Variants in HFM1 observed in about 807,000 individuals in gnomAD.
HFM1 encodes the protein probable ATP-dependent DNA helicase HFM1.
In HFM1, 169 loss-of-function variants were observed where a neutral mutation model predicts 192.1. The observed-to-expected ratio is 0.88, with a 90% CI of 0.78 to 1.00. The LOEUF is 1.00. Ranked by LOEUF, HFM1 falls within the 50% of genes least tolerant of loss-of-function variation. The pLI, the probability that HFM1 is intolerant of heterozygous loss-of-function variation, is 0.00. For synonymous variants in HFM1, 525 were observed against 537.8 expected (o/e 0.98, Z 0.33); for missense variants, 1,661 against 1,668.0 (o/e 1.00, Z 0.07).
At chr1:91,292,163 A>C (rs1668839197) in intron 30 of HFM1, among the ~76,000 whole-genome samples, 1 of 151,324 alleles carries the variant, frequency 6.6e-6, no homozygotes, top group South Asian at 2.1e-4. Context: ...GCCCTCTCTC[A>C]CCACTCCTAT....
intron 20 of HFM1, chr1:91,329,011 C>A: frequency 6.2e-7 from 1 of 1,612,364 alleles, no homozygotes. Context: ...TCCACCTGAG[C>A]TGGATTCTGC....
At chr1:91,366,171 A>G (rs981445302) in intron 13 of HFM1, among the ~76,000 whole-genome samples, 2 of 152,186 alleles carry the variant, frequency 1.3e-5, no homozygotes, top group Non-Finnish European at 2.9e-5. Flanking sequence ...TCACAACAGA[A>G]AAAAGGGAGA....
At position 91,274,138 on chromosome 1, in the gene HFM1, G is replaced by C. The variant is rs1368609132; in HGVS notation, c.3669-323C>G. Among the ~76,000 whole-genome samples, 5 of 151,796 alleles carry C rather than the reference G, an allele frequency of 3.3e-5. No individual in the cohort carries two copies. The South Asian group carries it at 1.0e-3, about 31-fold the overall frequency. Reference sequence around the variant, plus strand: ...GCATATAGAATGCCCTTATCTAGCAGGGAAATTACATATATGATTGTCCTG... The same window carrying C: ...GCATATAGAATGCCCTTATCTAGCACGGAAATTACATATATGATTGTCCTG... On this transcript the variant is annotated intron_variant, in intron 33 of 38. Transcript: ENST00000370425.
intron 28 of HFM1, among the ~76,000 whole-genome samples, chr1:91,314,687 T>C (rs1295909157): frequency 1.3e-5 from 2 of 152,222 alleles, no homozygotes; most frequent in Non-Finnish European, 2.9e-5. Context: ...GGCTATACGT[T>C]ATGAGAACAA....
intron 30 of HFM1, among the ~76,000 whole-genome samples, chr1:91,311,746 T>C (rs1339766848): frequency 6.6e-6 from 1 of 152,180 alleles, no homozygotes; most frequent in Non-Finnish European, 1.5e-5. Context: ...AGAAGCCTAA[T>C]GTTAAACCTC....
chr1:91,307,905 C>A (rs1255295410), intron 30 of HFM1, among the ~76,000 whole-genome samples: 1 of 152,048 alleles, frequency 6.6e-6, no homozygotes, highest in Non-Finnish European at 1.5e-5. Context: ...TGGGCAGAAA[C>A]CTAGGTTGGT....
chr1:91,380,289 T>G, intron 7 of HFM1, 53 bp from the exon 8 acceptor site: 1 of 1,111,152 alleles, frequency 9.0e-7, no homozygotes, highest in Non-Finnish European at 1.2e-6. Context: ...TTCACACACA[T>G]TCTCAATTTG....
intron 20 of HFM1, chr1:91,329,068 G>T: frequency 6.2e-7 from 1 of 1,610,308 alleles, no homozygotes; most frequent in Non-Finnish European, 8.5e-7. Context: ...ATCCTGCTAG[G>T]CAGTGACTAC....
chr1:91,319,575 A>G (rs1651787238), intron 23 of HFM1, among the ~76,000 whole-genome samples, 185 bp from the exon 24 acceptor site: 2 of 151,924 alleles, frequency 1.3e-5, no homozygotes, highest in South Asian at 4.2e-4. Context: ...TTTTCCCCAA[A>G]TCCTCAAAGT....
At chr1:91,328,783 T>G (rs1653335563) in intron 20 of HFM1, 4 of 1,611,094 alleles carry the variant, frequency 2.5e-6, no homozygotes, top group Non-Finnish European at 3.4e-6. Flanking sequence ...TGAAGGTCAC[T>G]AAGCAGCACA....
chr1:91,405,103 T>G (rs1423421931), upstream of HFM1, among the ~76,000 whole-genome samples: 3 of 152,134 alleles, frequency 2.0e-5, no homozygotes, highest in South Asian at 2.1e-4. Context: ...TACCCCAACC[T>G]GCCTTTCTCA....
In HFM1 at chr1:91,384,697, C is replaced by T. The variant is rs550511546; in HGVS notation, c.802+490G>A. Reference sequence around the variant, plus strand: ...AACTGATAACAAACAGGTCACAAATCGGCACCAGTCTGCAATCACACCCTG... The same window carrying T: ...AACTGATAACAAACAGGTCACAAATTGGCACCAGTCTGCAATCACACCCTG... On this transcript the variant is annotated intron_variant, in intron 6 of 38. Coordinates refer to ENST00000370425, the MANE Select transcript of HFM1 (RefSeq NM_001017975.6). 5.3e-5 allele frequency among the ~76,000 whole-genome samples: 8 copies of T among 151,774 alleles called. No homozygotes were observed. The East Asian group carries it at 5.8e-4, about 11-fold the overall frequency.
chr1:91,319,249 T>C, intron 24 of HFM1, 40 bp from the exon 25 acceptor site: 1 of 1,604,796 alleles, frequency 6.2e-7, no homozygotes, highest in Non-Finnish European at 8.5e-7. Context: ...AATATACCAG[T>C]TTATTGGAAA....
chr1:91,290,740 G>A (rs1436802216), intron 30 of HFM1, among the ~76,000 whole-genome samples: 2 of 152,032 alleles, frequency 1.3e-5, no homozygotes, highest in Non-Finnish European at 2.9e-5. Flanking sequence ...CAAATCAACA[G>A]AATATACATT....
intron 33 of HFM1, among the ~76,000 whole-genome samples, chr1:91,274,288 G>A (rs1197307389): frequency 6.6e-6 from 1 of 151,776 alleles, no homozygotes; most frequent in East Asian, 1.9e-4. Context: ...CATTTTATGG[G>A]CCATGTTGTT....
chr1:91,315,852 C>G lies in HFM1; in HGVS notation c.3103G>C (p.Asp1035His), dbSNP rs772667163. The G allele has an allele frequency of 1.2e-6, 2 of 1,610,424 alleles. No individual in the cohort carries two copies. The highest frequency in any genetic ancestry group is 2.2e-5 in the South Asian group (2 of 90,692). ...DSHYVTLIIGDADNQVVYLHK... is the reference protein window; with the variant it reads ...DSHYVTLIIGHADNQVVYLHK... ...AGATAAACTACTTGATTATCTGCGT[C>G]ACCTATGATTAAGGTAACATAGTGA... Residue 1035 changes from aspartate (D) to histidine (H), a missense_variant, in exon 28 of 39, where the codon GAC (aspartate) becomes CAC (histidine). By Grantham distance (81) the Asp-to-His change is moderately conservative. Coordinates refer to ENST00000370425, the MANE Select transcript of HFM1 (RefSeq NM_001017975.6).
At chr1:91,278,090 C>T in intron 30 of HFM1, among the ~76,000 whole-genome samples, 1 of 149,788 alleles carries the variant, frequency 6.7e-6, no homozygotes, top group South Asian at 2.1e-4. Flanking sequence ...GTACTCAAGC[C>T]TGAAAAACCT....
rs558061100 is a variant in HFM1 at position 91,394,287 on chromosome 1, T to C, written c.300A>G (p.Glu100=). ...CCCCTTCTAAATTTAGATCATCCTG[T>C]TCATATTTATCAGAAGGAAAGGCAA... ...FQFAFPSDKY[E]QDDLNLEGVG... is the part of the protein sequence containing the mutation. The change falls in exon 4 of 39, where the codon GAA becomes GAG. Residue 100 remains glutamate (E), a synonymous_variant. Transcript: ENST00000370425. 1.9e-6 allele frequency: 3 copies of C among 1,594,632 alleles called. No homozygotes were observed. The highest frequency in any genetic ancestry group is 2.6e-6 in the Non-Finnish European group (3 of 1,162,404).
chr1:91,391,352 T>C (rs1028773749), intron 4 of HFM1, among the ~76,000 whole-genome samples: 7 of 152,168 alleles, frequency 4.6e-5, no homozygotes, highest in African/African-American at 1.2e-4. Context: ...CTTCAAACTA[T>C]ACTACAAGGC....
Sources: gnomAD v4.1 joint callset for allele counts (sites outside exome capture counted in the v4.1 genomes callset) on GRCh38, gnomAD v4.1.1 for gene constraint, MANE v1.5 for transcripts, NCBI Gene and HGNC (gene_info 2026-07-23, HGNC 2026-07-21) for gene names.